The following TRIM55 variants were observed in gnomAD, a reference collection of about 807,000 sequenced individuals.
The protein encoded by TRIM55 is tripartite motif-containing protein 55.
TRIM55 carries 50 observed loss-of-function variants against 60.9 expected under a neutral mutation model. The observed-to-expected ratio is 0.82, with a 90% CI of 0.65 to 1.04. The LOEUF (loss-of-function observed/expected upper bound fraction) is 1.04, where lower values mean the gene tolerates loss of function less well. Ranked by LOEUF, TRIM55 falls within the 50% of genes least tolerant of loss-of-function variation. TRIM55 has a pLI of 0.00. For synonymous variants in TRIM55, 237 were observed against 238.1 expected (o/e 1.00, Z 0.04); for missense variants, 681 against 666.9 (o/e 1.02, Z -0.23).
chr8:66,172,885 A>G lies in TRIM55; in HGVS notation c.1525-1586A>G, dbSNP rs146206436. Among the ~76,000 whole-genome samples, 725 of 152,318 alleles carry G rather than the reference A, an allele frequency of 4.8e-3. 2 individuals carry two copies. Among genetic ancestry groups the G allele is most frequent in the Non-Finnish European group, 6.8e-3 (462 of 68,030 alleles). On this transcript the variant is annotated intron_variant, in intron 9 of 9. Transcript: ENST00000315962. ...TGAATGGTTAAAAATAAGTCTTTTT[A>G]TATATGCCCAGGTCATTTGGGCTTT...
rs775562048 is a variant in TRIM55 at position 66,137,099 on chromosome 8, A to G, written c.512A>G (p.Glu171Gly). The change falls in exon 4 of 10, where the codon GAG becomes GGG. Residue 171 changes from glutamate to glycine, a missense_variant. Coordinates refer to ENST00000315962, the MANE Select transcript of TRIM55 (RefSeq NM_184085.2). ...LTHVFQRQKS[E>G]LSDGIAILVG... ...TTCATGTTTTCTCTTCATTAGTCTG[A>G]GCTCAGTGATGGCATCGCCATCCTC... 1.2e-6 allele frequency: 2 copies of G among 1,613,968 alleles called. No homozygotes were observed. The highest frequency in any genetic ancestry group is 2.2e-5 in the East Asian group (1 of 44,872).
intron 3 of TRIM55, among the ~76,000 whole-genome samples, chr8:66,136,293 G>A (rs1809476747): frequency 6.6e-6 from 1 of 152,162 alleles, no homozygotes; most frequent in Non-Finnish European, 1.5e-5. Context: ...CTCCTGTTTG[G>A]CCAAAGCAGC....
chr8:66,149,506 T>C (rs1035403726), intron 4 of TRIM55, 139 bp from the exon 5 acceptor site: 1 of 658,722 alleles, frequency 1.5e-6, no homozygotes, highest in Admixed American at 2.9e-5. Context: ...TGGGTATCCA[T>C]ACCTAAATAG....
intron 2 of TRIM55, among the ~76,000 whole-genome samples, chr8:66,132,971 C>T (rs77150204): frequency 0.034 from 5,166 of 152,270 alleles, 132 homozygotes; most frequent in Middle Eastern, 0.075. Context: ...TGCTCTATGA[C>T]GCAATCTCTG....
intron 9 of TRIM55, among the ~76,000 whole-genome samples, chr8:66,157,989 G>A (rs1157255227): frequency 6.6e-6 from 1 of 152,126 alleles, no homozygotes; most frequent in Non-Finnish European, 1.5e-5. Flanking sequence ...AGCAAGGTTT[G>A]GATTCAGCCT....
rs1810952052 is a variant in TRIM55, at chr8:66,159,896, T to G, written c.1524+5562T>G. Among the ~76,000 whole-genome samples the G allele has an allele frequency of 4.6e-5, 7 of 152,244 alleles. No individual in the cohort carries two copies. In the South Asian group the frequency reaches 1.2e-3, roughly 27 times the overall value. ...CCAACTTTTTATTAAGTTGTTTATC[T>G]TCCTAGAAGTTCTTTATGTGTTCTG... On this transcript the variant is annotated intron_variant, in intron 9 of 9. Transcript: ENST00000315962.
intron 9 of TRIM55, among the ~76,000 whole-genome samples, chr8:66,170,025 G>T (rs927092000): frequency 6.6e-6 from 1 of 151,918 alleles, no homozygotes; most frequent in African/African-American, 2.4e-5. Context: ...AACCAAGAAG[G>T]TAACATGAAC....
In TRIM55 at chr8:66,127,211, C is replaced by G. The variant is rs1349504816; in HGVS notation, c.-58C>G. On this transcript the variant is annotated 5_prime_UTR_variant, in exon 1 of 10. Coordinates refer to ENST00000315962, the MANE Select transcript of TRIM55 (RefSeq NM_184085.2). ...TCCCTGGAATAATATCCAGGAAACA[C>G]TTGCTGGAGCCACTCGCAGCACCCT... is the stretch of plus-strand genomic sequence containing the variant. 6.5e-7 allele frequency: 1 copy of G among 1,528,296 alleles called. No homozygotes were observed. The highest frequency in any genetic ancestry group is 8.9e-7 in the Non-Finnish European group (1 of 1,119,580). The allele number at this position is 1,528,296 out of a possible 1,614,324, so 94.7% of individuals were successfully genotyped here.
intron 2 of TRIM55, among the ~76,000 whole-genome samples, chr8:66,132,770 A>G (rs1266581162): frequency 1.3e-5 from 2 of 152,112 alleles, no homozygotes; most frequent in Non-Finnish European, 2.9e-5. Context: ...ATGCTCATCT[A>G]TGAGTAAGTG....
intron 9 of TRIM55, among the ~76,000 whole-genome samples, chr8:66,168,791 C>T (rs1366549198): frequency 1.3e-5 from 2 of 152,182 alleles, no homozygotes; most frequent in Admixed American, 1.3e-4. Flanking sequence ...TCAAGGCCCC[C>T]AATATCTCCT....
At chr8:66,147,807 A>C (rs1337426631) in intron 4 of TRIM55, among the ~76,000 whole-genome samples, 1 of 147,392 alleles carries the variant, frequency 6.8e-6, no homozygotes, top group East Asian at 1.9e-4. Context: ...AAAAAAAAAA[A>C]AAAAAAAAAA....
At chr8:66,156,257 C>A (rs1810733911) in intron 9 of TRIM55, among the ~76,000 whole-genome samples, 1 of 152,184 alleles carries the variant, frequency 6.6e-6, no homozygotes, top group Admixed American at 6.6e-5. Flanking sequence ...TACAGAGTTT[C>A]TCCTGGGAGA....
chr8:66,171,863 A>G (rs1051002529), intron 9 of TRIM55, among the ~76,000 whole-genome samples: 1 of 152,242 alleles, frequency 6.6e-6, no homozygotes, highest in African/African-American at 2.4e-5. Context: ...TACACTGGAC[A>G]GTGTCATTGA....
intron 9 of TRIM55, among the ~76,000 whole-genome samples, chr8:66,168,624 G>T (rs1056215702): frequency 6.6e-6 from 1 of 152,162 alleles, no homozygotes; most frequent in East Asian, 1.9e-4. Flanking sequence ...ATGATAGATG[G>T]GCAAAGATTT....
intron 9 of TRIM55, among the ~76,000 whole-genome samples, chr8:66,156,773 G>A (rs530354498): frequency 4.6e-5 from 7 of 152,206 alleles, no homozygotes; most frequent in East Asian, 1.9e-4. Flanking sequence ...CAGCAATGGC[G>A]GTGGCGTCTC....
chr8:66,158,787 A>G (rs1052675650), intron 9 of TRIM55, among the ~76,000 whole-genome samples: 3 of 152,172 alleles, frequency 2.0e-5, no homozygotes, highest in African/African-American at 4.8e-5. Flanking sequence ...TCTTACATAA[A>G]TCCCAATTTC....
rs187563549 is a variant in TRIM55, at chr8:66,130,883, G to A, written c.341+2407G>A. 4.6e-4 allele frequency among the ~76,000 whole-genome samples: 69 copies of A among 151,582 alleles called. No homozygotes were observed. In the East Asian group the frequency reaches 0.012, roughly 27 times the overall value. ...TCACCGTGTTAGCCAGGATAGTCTC[G>A]ATCTCCTGACCTCTTGATCCACCCG... is the stretch of plus-strand genomic sequence containing the variant. On this transcript the variant is annotated intron_variant, in intron 2 of 9. Coordinates refer to ENST00000315962, the MANE Select transcript of TRIM55 (RefSeq NM_184085.2).
At chr8:66,126,886 C>T, upstream of TRIM55, 1 of 172,186 alleles carries the variant, frequency 5.8e-6, no homozygotes, top group Non-Finnish European at 1.2e-5. Flanking sequence ...GCTAGGCATG[C>T]ACATTTGCAT....
At chr8:66,135,187 C>T (rs763068647) in intron 3 of TRIM55, 32 bp downstream of exon 3, 1 of 1,612,698 alleles carries the variant, frequency 6.2e-7, no homozygotes, top group East Asian at 2.2e-5. Context: ...TCCCGCAACC[C>T]CTCCCCATCC....
Sources: gnomAD v4.1 joint callset for allele counts (sites outside exome capture counted in the v4.1 genomes callset) on GRCh38, gnomAD v4.1.1 for gene constraint, MANE v1.5 for transcripts, NCBI Gene and HGNC (gene_info 2026-07-23, HGNC 2026-07-21) for gene names.